Variants in ACCSL observed in about 807,000 individuals in gnomAD.
The protein encoded by ACCSL is probable inactive 1-aminocyclopropane-1-carboxylate synthase-like protein 2.
A neutral mutation model predicts 61.7 loss-of-function variants in ACCSL; 55 were observed. That is an observed-to-expected ratio of 0.89 (90% CI 0.72 to 1.12). The LOEUF (loss-of-function observed/expected upper bound fraction) is 1.12, where lower values mean the gene tolerates loss of function less well. Ranked by LOEUF, ACCSL falls within the 50% of genes most tolerant of loss-of-function variation. The pLI is 0.00. For missense variants in ACCSL, 632 were observed against 698.0 expected (o/e 0.91, Z 1.07); for synonymous variants, 258 against 264.3 (o/e 0.98, Z 0.23).
the ACCSL span, among the ~76,000 whole-genome samples, chr11:43,984,763 G>A: frequency 6.6e-6 from 1 of 152,254 alleles, no homozygotes; most frequent in African/African-American, 2.4e-5. Context: ...TCCCAAACAG[G>A]GGTCAGGTCC....
chr11:44,037,830 C>A, the ACCSL span, among the ~76,000 whole-genome samples: 3 of 152,124 alleles, frequency 2.0e-5, no homozygotes, highest in African/African-American at 7.2e-5. Flanking sequence ...AGAAGGGGGC[C>A]CAGACCTTAG....
the ACCSL span, among the ~76,000 whole-genome samples, chr11:44,040,326 G>A: frequency 6.6e-6 from 1 of 152,314 alleles, no homozygotes; most frequent in African/African-American, 2.4e-5. Flanking sequence ...GCCTGGTCCT[G>A]TAGCACTTGA....
At chr11:43,987,631 TC>T in the ACCSL span, among the ~76,000 whole-genome samples, 2 of 151,904 alleles carry the variant, frequency 1.3e-5, no homozygotes, top group Admixed American at 6.6e-5. Context: ...CCTCCCCCAC[TC>T]CCTGGCTGGC....
chr11:43,944,308 T>A, the ACCSL span: 1 of 163,964 alleles, frequency 6.1e-6, no homozygotes, highest in African/African-American at 2.4e-5. Context: ...GAGCCAGCAA[T>A]GCGAGATGTT....
chr11:43,927,451 G>T, the ACCSL span, among the ~76,000 whole-genome samples: 1 of 152,224 alleles, frequency 6.6e-6, no homozygotes, highest in African/African-American at 2.4e-5. Flanking sequence ...ACTAGGCACT[G>T]CATTCATTGC....
chr11:43,975,842 A>T, the ACCSL span, among the ~76,000 whole-genome samples: 1 of 152,230 alleles, frequency 6.6e-6, no homozygotes, highest in Non-Finnish European at 1.5e-5. Context: ...GCCAAGAGCC[A>T]TGGAGAATCA....
chr11:44,002,045 G>A, the ACCSL span, among the ~76,000 whole-genome samples: 2 of 151,996 alleles, frequency 1.3e-5, no homozygotes, highest in African/African-American at 2.4e-5. Flanking sequence ...AGGAAAATAG[G>A]TTTGGAATTA....
chr11:43,933,094 CAGAAGACTCT>C, the ACCSL span: 1 of 456,182 alleles, frequency 2.2e-6, no homozygotes, highest in Non-Finnish European at 4.4e-6. Flanking sequence ...TTCCAGTAGG[CAGAAGACTCT>C]GCTTCCAAGG....
chr11:43,983,418 C>G, the ACCSL span, among the ~76,000 whole-genome samples: 4 of 152,088 alleles, frequency 2.6e-5, no homozygotes, highest in African/African-American at 9.7e-5. Flanking sequence ...GGGATGTGGT[C>G]CAGGACTTCA....
the ACCSL span, among the ~76,000 whole-genome samples, chr11:43,982,486 C>T: frequency 6.6e-6 from 1 of 152,090 alleles, no homozygotes; most frequent in South Asian, 2.1e-4. Flanking sequence ...CCTCGGCCTC[C>T]CAAAGTGGCA....
the ACCSL span, among the ~76,000 whole-genome samples, chr11:43,965,500 T>A: frequency 6.6e-6 from 1 of 152,180 alleles, no homozygotes; most frequent in Non-Finnish European, 1.5e-5. Context: ...ATTGGGAGAT[T>A]TACTATTGTT....
At chr11:43,941,936 C>T in the ACCSL span, among the ~76,000 whole-genome samples, 1 of 151,766 alleles carries the variant, frequency 6.6e-6, no homozygotes, top group Non-Finnish European at 1.5e-5. Flanking sequence ...TGGGGGTGCC[C>T]GAGGGACTTG....
the ACCSL span, among the ~76,000 whole-genome samples, chr11:43,935,768 C>T: frequency 2.6e-5 from 4 of 152,204 alleles, no homozygotes; most frequent in Admixed American, 6.5e-5. Flanking sequence ...ACTGGGACTG[C>T]AGACATGCGC....
the ACCSL span, among the ~76,000 whole-genome samples, chr11:44,010,159 G>A: frequency 5.9e-5 from 9 of 152,150 alleles, no homozygotes; most frequent in Non-Finnish European, 1.5e-5. Context: ...TGACCAACAT[G>A]GAGAAACCCC....
At chr11:43,948,609 C>T in the ACCSL span, among the ~76,000 whole-genome samples, 39,562 of 151,996 alleles carry the variant, frequency 0.26, 5,358 homozygotes, top group East Asian at 0.42. Flanking sequence ...GAGTAGTCAG[C>T]ACTAGAGGCA....
chr11:43,922,500 C>A, the ACCSL span, among the ~76,000 whole-genome samples: 1 of 152,240 alleles, frequency 6.6e-6, no homozygotes, highest in Non-Finnish European at 1.5e-5. Context: ...GCATCTGCAT[C>A]TCATCTTTCC....
the ACCSL span, chr11:43,943,642 A>T: frequency 2.3e-6 from 3 of 1,305,496 alleles, no homozygotes; most frequent in Non-Finnish European, 3.0e-6. The surrounding 1 kb of genome is among the most constrained non-coding windows in gnomAD (Gnocchi z 4.8). Flanking sequence ...ACACCGCTCC[A>T]CCGTGCCCCC....
chr11:43,943,749 T>C, the ACCSL span: 1 of 1,304,404 alleles, frequency 7.7e-7, no homozygotes, highest in Non-Finnish European at 1.0e-6. This position sits in a 1 kb window ranked among gnomAD's most constrained non-coding sequence, Gnocchi z 4.8. Context: ...GCGCGGCTGC[T>C]ACTGCGTCTG....
At chr11:43,943,446 C>A in the ACCSL span, 1 of 1,432,022 alleles carries the variant, frequency 7.0e-7, no homozygotes, top group Non-Finnish European at 9.3e-7. The surrounding 1 kb of genome is among the most constrained non-coding windows in gnomAD (Gnocchi z 4.8). Flanking sequence ...CGCCCCTCGC[C>A]GCGCTCGCCC....
Sources: allele counts gnomAD v4.1 joint callset (sites outside exome capture counted in the v4.1 genomes callset), GRCh38; gene constraint gnomAD v4.1.1; non-coding constraint Gnocchi (gnomAD v3.1); transcripts MANE v1.5; gene names NCBI Gene and HGNC (gene_info 2026-07-23, HGNC 2026-07-21).